Variants in SLC35F1 observed in about 807,000 individuals in gnomAD.
SLC35F1 encodes solute carrier family 35 member F1.
Under a neutral mutation model 48.7 loss-of-function variants are expected in SLC35F1, and 14 were observed. The observed-to-expected ratio is 0.29, with a 90% CI of 0.19 to 0.45. SLC35F1 has a LOEUF of 0.45. Ranked by LOEUF, SLC35F1 falls within the 20% of genes least tolerant of loss-of-function variation. The pLI is 1.00. For missense variants in SLC35F1, 404 were observed against 500.0 expected (o/e 0.81, Z 1.83); for synonymous variants, 190 against 202.2 (o/e 0.94, Z 0.51).
chr6:118,066,146 T>A (rs779927479), intron 1 of SLC35F1, among the ~76,000 whole-genome samples: 1 of 152,194 alleles, frequency 6.6e-6, no homozygotes, highest in Non-Finnish European at 1.5e-5. Flanking sequence ...AAATAATACA[T>A]ATTATTTAAT....
intron 1 of SLC35F1, among the ~76,000 whole-genome samples, chr6:118,008,940 G>C (rs1396025114): frequency 6.6e-6 from 1 of 152,134 alleles, no homozygotes; most frequent in African/African-American, 2.4e-5. Context: ...AAGGATTTCA[G>C]ATGGTACTAT....
chr6:117,932,119 T>A (rs1479057462), intron 1 of SLC35F1, among the ~76,000 whole-genome samples: 2 of 152,160 alleles, frequency 1.3e-5, no homozygotes, highest in Non-Finnish European at 2.9e-5. Flanking sequence ...AGTGTTCATC[T>A]TTTTTGCCCT....
intron 1 of SLC35F1, among the ~76,000 whole-genome samples, chr6:117,918,845 A>C (rs2114798939): frequency 6.6e-6 from 1 of 152,174 alleles, no homozygotes; most frequent in Admixed American, 6.5e-5. Context: ...TCCTGATTGT[A>C]CTGGGGAGTG....
chr6:118,182,519 A>AGAAGGAAGGAAGGAAG (rs10529265), intron 2 of SLC35F1, among the ~76,000 whole-genome samples: 15,836 of 106,100 alleles, frequency 0.15, 1,709 homozygotes, highest in Non-Finnish European at 0.16. Flanking sequence ...AGAGAGAGAG[A>AGAAGGAAGGAAGGAAG]GAAGGAAGGA....
chr6:117,908,946 C>G (rs759207154), intron 1 of SLC35F1, among the ~76,000 whole-genome samples: 3 of 152,146 alleles, frequency 2.0e-5, no homozygotes, highest in Admixed American at 1.3e-4. Flanking sequence ...GTCTGGGGCT[C>G]AAAGCTCTGG....
At chr6:118,307,453 A>G (rs956735534) in intron 7 of SLC35F1, among the ~76,000 whole-genome samples, 1 of 152,024 alleles carries the variant, frequency 6.6e-6, no homozygotes, top group Non-Finnish European at 1.5e-5. Context: ...TTTTCCTAAC[A>G]GAAAAGGAAA....
chr6:118,220,271 T>A (rs6933344), intron 2 of SLC35F1, among the ~76,000 whole-genome samples: 142,140 of 152,266 alleles, frequency 0.93, 66,407 homozygotes, highest in East Asian at 0.98. Flanking sequence ...AAGGACTGTG[T>A]GAACTCAGAG....
rs532819940 is a variant in SLC35F1 at position 118,201,389 on chromosome 6, T to A, written c.350-34120T>A. ...TTCCAGCACATATCATTTCTCGTAA[T>A]CAGATTTCTTCAACAGATGTGAAAT... On this transcript the variant is annotated intron_variant, in intron 2 of 7. Coordinates refer to ENST00000360388, the MANE Select transcript of SLC35F1 (RefSeq NM_001029858.4). 1.4e-4 allele frequency among the ~76,000 whole-genome samples: 22 copies of A among 152,296 alleles called. No homozygotes were observed. The South Asian group carries it at 3.9e-3, about 27-fold the overall frequency.
Position 118,085,218 on chromosome 6 carries a change from G to A in SLC35F1, c.174-69227G>A, listed in dbSNP as rs1291218193. Among the ~76,000 whole-genome samples, 4 of 152,268 alleles carry A rather than the reference G, an allele frequency of 2.6e-5. No individual in the cohort carries two copies. The East Asian group carries it at 7.7e-4, about 29-fold the overall frequency. ...AAGGAATTGGTTCCCCCTTGGAGGA[G>A]GCTTCCTCTTGTCTAGGAGTCTCCT... On this transcript the variant is annotated intron_variant, in intron 1 of 7. Coordinates refer to ENST00000360388, the MANE Select transcript of SLC35F1 (RefSeq NM_001029858.4).
intron 1 of SLC35F1, among the ~76,000 whole-genome samples, chr6:118,025,805 A>G (rs1472279649): frequency 1.3e-5 from 2 of 152,204 alleles, no homozygotes. Flanking sequence ...GTTTTCAAAC[A>G]CATATGAATC....
chr6:118,181,443 A>G (rs1276981594), intron 2 of SLC35F1, among the ~76,000 whole-genome samples: 2 of 152,110 alleles, frequency 1.3e-5, no homozygotes, highest in African/African-American at 4.8e-5. Flanking sequence ...AAGAATAGAA[A>G]TAGAACCCCT....
At chr6:118,307,243 G>T (rs1420195429) in intron 7 of SLC35F1, among the ~76,000 whole-genome samples, 1 of 152,144 alleles carries the variant, frequency 6.6e-6, no homozygotes, top group African/African-American at 2.4e-5. Context: ...AAATTAACAT[G>T]AATTGAGATT....
chr6:117,987,043 T>C (rs1016810935), intron 1 of SLC35F1, among the ~76,000 whole-genome samples: 1 of 152,188 alleles, frequency 6.6e-6, no homozygotes, highest in African/African-American at 2.4e-5. Context: ...GTTGAAGGGA[T>C]GCTTCTTACA....
intron 2 of SLC35F1, among the ~76,000 whole-genome samples, chr6:118,160,358 A>C (rs1168304578): frequency 6.6e-6 from 1 of 152,238 alleles, no homozygotes; most frequent in African/African-American, 2.4e-5. Flanking sequence ...TTTGATGAGT[A>C]TGGCATGTGT....
At chr6:118,066,281 A>C (rs1239787854) in intron 1 of SLC35F1, among the ~76,000 whole-genome samples, 1 of 152,212 alleles carries the variant, frequency 6.6e-6, no homozygotes, top group African/African-American at 2.4e-5. Flanking sequence ...CCAAATCTCT[A>C]TTATGTGATG....
chr6:118,074,040 T>A (rs1185467689), intron 1 of SLC35F1, among the ~76,000 whole-genome samples: 1 of 152,222 alleles, frequency 6.6e-6, no homozygotes, highest in Non-Finnish European at 1.5e-5. Context: ...CTTTAGCTTT[T>A]CCCTATAGAC....
intron 1 of SLC35F1, among the ~76,000 whole-genome samples, chr6:118,009,162 C>T (rs985074133): frequency 2.6e-5 from 4 of 152,100 alleles, no homozygotes; most frequent in South Asian, 2.1e-4. Context: ...GTGCCTGCCA[C>T]GTGTCAGGCA....
intron 3 of SLC35F1, among the ~76,000 whole-genome samples, chr6:118,244,088 G>T (rs1775475923): frequency 6.6e-6 from 1 of 152,188 alleles, no homozygotes; most frequent in Non-Finnish European, 1.5e-5. Context: ...TCAGGCTTTT[G>T]TCCTGATATG....
intron 2 of SLC35F1, among the ~76,000 whole-genome samples, chr6:118,196,718 G>A (rs1427004673): frequency 2.6e-5 from 4 of 151,840 alleles, no homozygotes; most frequent in Non-Finnish European, 5.9e-5. Flanking sequence ...GTGAGACTCT[G>A]TCTCAAAAAA....
Sources: gnomAD v4.1 joint callset for allele counts (sites outside exome capture counted in the v4.1 genomes callset) on GRCh38, gnomAD v4.1.1 for gene constraint, MANE v1.5 for transcripts, NCBI Gene and HGNC (gene_info 2026-07-23, HGNC 2026-07-21) for gene names.